Variants in AGBL4 observed in about 807,000 individuals in gnomAD.
AGBL4 encodes the protein cytosolic carboxypeptidase 6.
AGBL4 carries 58 observed loss-of-function variants against 66.4 expected under a neutral mutation model. That is an observed-to-expected ratio of 0.87 (90% confidence interval 0.71 to 1.09). AGBL4 has a LOEUF of 1.09. Ranked by LOEUF, AGBL4 falls within the 50% of genes least tolerant of loss-of-function variation. The pLI, the probability that AGBL4 is intolerant of heterozygous loss-of-function variation, is 0.00. For synonymous variants in AGBL4, 234 were observed against 222.9 expected (o/e 1.05, Z -0.44); for missense variants, 579 against 631.0 (o/e 0.92, Z 0.88).
chr1:48,538,750 A>G (rs1644013064), intron 12 of AGBL4, among the ~76,000 whole-genome samples: 1 of 152,232 alleles, frequency 6.6e-6, no homozygotes, highest in South Asian at 2.1e-4. Context: ...GTTTTTATCA[A>G]TAACAGCGTA....
chr1:48,613,142 AAG>A (rs1557828651), intron 9 of AGBL4, among the ~76,000 whole-genome samples: 2 of 152,198 alleles, frequency 1.3e-5, no homozygotes, highest in East Asian at 3.8e-4. Flanking sequence ...TCAAAAAAAA[AAG>A]AGAGATTATG....
intron 2 of AGBL4, among the ~76,000 whole-genome samples, chr1:49,806,201 G>T (rs1644973727): frequency 6.6e-6 from 1 of 152,164 alleles, no homozygotes; most frequent in South Asian, 2.1e-4. Context: ...TATGTAAGTG[G>T]TCATGATCAG....
chr1:48,646,513 A>ATGTGTGGG (rs1553200339), intron 8 of AGBL4, among the ~76,000 whole-genome samples: 4 of 131,436 alleles, frequency 3.0e-5, no homozygotes, highest in Non-Finnish European at 6.5e-5. Context: ...ACCAGTTATA[A>ATGTGTGGG]TGTGTGTGTG....
intron 3 of AGBL4, among the ~76,000 whole-genome samples, chr1:49,427,552 T>C (rs1326667322): frequency 6.6e-6 from 1 of 152,016 alleles, no homozygotes; most frequent in Non-Finnish European, 1.5e-5. Context: ...TTAAAGATGG[T>C]GTGTCCAGAG....
chr1:49,284,790 T>C (rs1644365219), intron 3 of AGBL4, among the ~76,000 whole-genome samples: 1 of 150,982 alleles, frequency 6.6e-6, no homozygotes, highest in African/African-American at 2.4e-5. Context: ...CATTACATAA[T>C]GGTAAAGGGA....
intron 3 of AGBL4, among the ~76,000 whole-genome samples, chr1:49,655,621 C>T (rs190710978): frequency 2.0e-5 from 3 of 152,062 alleles, no homozygotes; most frequent in Admixed American, 2.0e-4. Context: ...AAAATTGACA[C>T]CCTCACATCA....
rs548244195 is a variant in AGBL4, at chr1:49,506,323, T to A, written c.282+190990A>T. The stretch of plus-strand genomic sequence containing the variant: ...AAATGTAACATATAATAATAGCAAA[T>A]TAACTTTTGTTTTTGTTAATACATG... On this transcript the variant is annotated intron_variant, in intron 3 of 13. Coordinates refer to ENST00000371839, the MANE Select transcript of AGBL4 (RefSeq NM_032785.4). 3.3e-4 allele frequency among the ~76,000 whole-genome samples: 50 copies of A among 152,166 alleles called. 1 individual carries two copies. The South Asian group carries it at 9.5e-3, about 29-fold the overall frequency.
intron 5 of AGBL4, among the ~76,000 whole-genome samples, chr1:48,875,367 C>G (rs1048067001): frequency 6.6e-6 from 1 of 152,082 alleles, no homozygotes; most frequent in African/African-American, 2.4e-5. Flanking sequence ...CAGGACCTAC[C>G]CTCATCAGAA....
intron 4 of AGBL4, among the ~76,000 whole-genome samples, chr1:49,235,993 G>C (rs1358253023): frequency 7.0e-6 from 1 of 143,048 alleles, no homozygotes; most frequent in Non-Finnish European, 1.5e-5. Flanking sequence ...TATTCATTTT[G>C]AAGGATTTAT....
intron 1 of AGBL4, among the ~76,000 whole-genome samples, chr1:49,872,692 A>G (rs1174169629): frequency 6.6e-6 from 1 of 152,114 alleles, no homozygotes; most frequent in East Asian, 1.9e-4. Context: ...CAAAAGAGAG[A>G]GAATCTATAT....
At chr1:49,917,341 A>G (rs1030324072) in intron 1 of AGBL4, among the ~76,000 whole-genome samples, 3 of 151,990 alleles carry the variant, frequency 2.0e-5, no homozygotes, top group Non-Finnish European at 4.4e-5. Context: ...CAGGAAACCC[A>G]TCTCGTGTGC....
chr1:49,573,801 T>C (rs1644381684), intron 3 of AGBL4, among the ~76,000 whole-genome samples: 3 of 152,274 alleles, frequency 2.0e-5, no homozygotes, highest in Non-Finnish European at 1.5e-5. Context: ...AATGGGACCC[T>C]GGAACTTAGA....
At chr1:49,508,432 T>C (rs527673492) in intron 3 of AGBL4, among the ~76,000 whole-genome samples, 2 of 152,110 alleles carry the variant, frequency 1.3e-5, no homozygotes, top group Non-Finnish European at 2.9e-5. Context: ...ATGTGGCCCA[T>C]AGTAGAAAAA....
chr1:48,685,810 C>A (rs1481796625), intron 6 of AGBL4, among the ~76,000 whole-genome samples: 1 of 152,184 alleles, frequency 6.6e-6, no homozygotes, highest in Non-Finnish European at 1.5e-5. Flanking sequence ...ATAAAATCTA[C>A]CTCCCATGAA....
chr1:48,936,841 T>C (rs935767556), intron 5 of AGBL4, among the ~76,000 whole-genome samples: 1 of 152,198 alleles, frequency 6.6e-6, no homozygotes, highest in Non-Finnish European at 1.5e-5. Flanking sequence ...AGTGACTTTC[T>C]CAAGGTTCTT....
intron 3 of AGBL4, among the ~76,000 whole-genome samples, chr1:49,380,369 T>G (rs1021399444): frequency 1.1e-4 from 17 of 152,140 alleles, no homozygotes; most frequent in Admixed American, 1.1e-3. Context: ...GGAAGAACAT[T>G]CCATGCTCAT....
chr1:49,207,546 CTTTCTTTCT>C (rs1220823243), intron 4 of AGBL4, among the ~76,000 whole-genome samples: 2 of 76,132 alleles, frequency 2.6e-5, no homozygotes, highest in Non-Finnish European at 5.3e-5. Flanking sequence ...TCTTTCTTTT[CTTTCTTTCT>C]TTCTTTCTTT....
intron 3 of AGBL4, among the ~76,000 whole-genome samples, chr1:49,571,019 GA>G (rs1472237540): frequency 6.6e-6 from 1 of 151,652 alleles, no homozygotes; most frequent in Non-Finnish European, 1.5e-5. Flanking sequence ...CACATAATAT[GA>G]TGCCTCTAGC....
chr1:48,763,942 T>C (rs1644403753), intron 6 of AGBL4, among the ~76,000 whole-genome samples: 1 of 152,156 alleles, frequency 6.6e-6, no homozygotes, highest in African/African-American at 2.4e-5. Context: ...TGTCATAACA[T>C]GAATGTAGGA....
Sources: allele counts gnomAD v4.1 joint callset (sites outside exome capture counted in the v4.1 genomes callset), GRCh38; gene constraint gnomAD v4.1.1; transcripts MANE v1.5; gene names NCBI Gene and HGNC (gene_info 2026-07-23, HGNC 2026-07-21).